TBC1D22B: variants seen among roughly 807,000 people sequenced by gnomAD.
TBC1D22B encodes chromosome 6 open reading frame 197.
In TBC1D22B, 32 loss-of-function variants were observed where a neutral mutation model predicts 69.1. That is an observed-to-expected ratio of 0.46 (90% CI 0.35 to 0.62). The LOEUF is 0.62. Ranked by LOEUF, TBC1D22B falls within the 20% of genes least tolerant of loss-of-function variation. TBC1D22B has a pLI of 0.00. For missense variants in TBC1D22B, 462 were observed against 630.9 expected, an observed-to-expected ratio of 0.73 and a Z score of 2.87; for synonymous variants, 206 against 229.8, an observed-to-expected ratio of 0.90 and a Z score of 0.94.
At chr6:37,329,075 C>T (rs556319075) in intron 12 of TBC1D22B, among the ~76,000 whole-genome samples, 1 of 152,188 alleles carries the variant, frequency 6.6e-6, no homozygotes, top group African/African-American at 2.4e-5. Flanking sequence ...CACAATAATA[C>T]ACAAATATTT....
chr6:37,269,785 A>G, intron 2 of TBC1D22B, 135 bp downstream of exon 2: 2 of 765,012 alleles, frequency 2.6e-6, no homozygotes, highest in South Asian at 3.1e-5. Context: ...GGAGATGAGC[A>G]ATGTTCTTAC....
intron 10 of TBC1D22B, among the ~76,000 whole-genome samples, chr6:37,314,541 C>T (rs1768019308): frequency 6.6e-6 from 1 of 152,150 alleles, no homozygotes; most frequent in South Asian, 2.1e-4. Context: ...CAGCTTTGGC[C>T]TAGAGTCATA....
At position 37,331,255 on chromosome 6, in the gene TBC1D22B, C is replaced by T; in HGVS notation, c.*83C>T. The T allele has an allele frequency of 1.4e-6, 2 of 1,463,150 alleles. No homozygotes were observed. The highest frequency in any genetic ancestry group is 1.9e-6 in the Non-Finnish European group (2 of 1,055,778). The allele number at this position is 1,463,150 out of a possible 1,614,324, so 90.6% of individuals were successfully genotyped here. A position where few individuals can be genotyped will look rare whatever the true frequency, so the allele number is the denominator to read the frequency against. ...GTGGCCACTGTGCGAGCCGTGGACC[C>T]CGGCCAGGAACCACTCCTGTTGTAC... On this transcript the variant is annotated 3_prime_UTR_variant, in exon 13 of 13. Transcript: ENST00000373491.
chr6:37,281,915 T>A (rs1202787839), intron 3 of TBC1D22B, among the ~76,000 whole-genome samples: 1 of 152,178 alleles, frequency 6.6e-6, no homozygotes, highest in Non-Finnish European at 1.5e-5. Context: ...ACCAAAAAAG[T>A]TCTCAAAAGT....
At chr6:37,323,712 C>T (rs981496617) in intron 12 of TBC1D22B, among the ~76,000 whole-genome samples, 1 of 152,200 alleles carries the variant, frequency 6.6e-6, no homozygotes, top group Admixed American at 6.5e-5. Flanking sequence ...TCTGCAAGAA[C>T]ACAGGGGTGC....
intron 8 of TBC1D22B, among the ~76,000 whole-genome samples, chr6:37,297,588 A>G (rs760948086): frequency 2.0e-4 from 31 of 152,290 alleles, no homozygotes; most frequent in Non-Finnish European, 4.0e-4. Context: ...CTCAACTTCA[A>G]TCCTTGTCCT....
intron 2 of TBC1D22B, among the ~76,000 whole-genome samples, chr6:37,271,983 A>C (rs1410556360): frequency 6.6e-6 from 1 of 151,792 alleles, no homozygotes; most frequent in Admixed American, 6.6e-5. Flanking sequence ...GTGAGTAAAT[A>C]TTTATTGAAT....
chr6:37,332,904 A>G lies in TBC1D22B; in HGVS notation c.*1732A>G, dbSNP rs1168685378. ...TGGTGGTTTTATTTTTTTAGTTTTT[A>G]TGTTTGTATGGGAAATTGTGGATAA... On this transcript the variant is annotated 3_prime_UTR_variant, in exon 13 of 13. Coordinates refer to ENST00000373491, the MANE Select transcript of TBC1D22B (RefSeq NM_017772.4). 1 of 152,310 alleles carries G rather than the reference A, an allele frequency of 6.6e-6. No individual in the cohort carries two copies. Among genetic ancestry groups the G allele is most frequent in the African/African-American group, 2.4e-5 (1 of 41,410 alleles). The allele number at this position is 152,310 out of a possible 1,614,324, so 9.4% of individuals were successfully genotyped here.
chr6:37,320,721 G>T (rs746156836), intron 12 of TBC1D22B, among the ~76,000 whole-genome samples: 1 of 152,190 alleles, frequency 6.6e-6, no homozygotes, highest in Non-Finnish European at 1.5e-5. Context: ...GTTGTCTAGG[G>T]CCGCTGCCTG....
Position 37,332,485 on chromosome 6 carries a change from G to T in TBC1D22B, c.*1313G>T, listed in dbSNP as rs543014603. 2.0e-5 allele frequency: 3 copies of T among 152,840 alleles called. No homozygotes were observed. The South Asian group carries it at 6.2e-4, about 32-fold the overall frequency. 9.5% of individuals were successfully genotyped at this position (152,840 alleles called of 1,614,324 possible). On this transcript the variant is annotated 3_prime_UTR_variant, in exon 13 of 13. Coordinates refer to ENST00000373491, the MANE Select transcript of TBC1D22B (RefSeq NM_017772.4). ...TCAGTGCCAAGGAAAGGGGCTTCTT[G>T]TGTGTCCCTCGGGTTTGGGGCTCTT...
chr6:37,323,147 G>A (rs147671912), intron 12 of TBC1D22B, among the ~76,000 whole-genome samples: 75 of 152,248 alleles, frequency 4.9e-4, no homozygotes, highest in African/African-American at 1.7e-3. Flanking sequence ...GTCAGCAGGC[G>A]CCAGCAAGGC....
At position 37,276,360 on chromosome 6, in the gene TBC1D22B, G is replaced by A. The variant is rs112485575; in HGVS notation, c.114-2944G>A. Reference sequence around the variant, plus strand: ...GAAACCAACCCCTTCCTCCACGAAAGCCTCTTTCCTCAGGACAGAGCTGAC... The same window carrying A: ...GAAACCAACCCCTTCCTCCACGAAAACCTCTTTCCTCAGGACAGAGCTGAC... On this transcript the variant is annotated intron_variant, in intron 2 of 12. Coordinates refer to ENST00000373491, the MANE Select transcript of TBC1D22B (RefSeq NM_017772.4). Among the ~76,000 whole-genome samples, 981 of 152,200 alleles carry A rather than the reference G, an allele frequency of 6.4e-3. 6 individuals carry two copies. The highest frequency in any genetic ancestry group is 0.022 in the African/African-American group (908 of 41,522).
intron 11 of TBC1D22B, 84 bp from the exon 12 acceptor site, chr6:37,317,027 C>T: frequency 1.3e-6 from 2 of 1,485,372 alleles, no homozygotes; most frequent in South Asian, 2.4e-5. Flanking sequence ...AGTTTCCCAC[C>T]TCCCAGAAGG....
intron 8 of TBC1D22B, among the ~76,000 whole-genome samples, chr6:37,310,785 A>T (rs1384095846): frequency 6.6e-6 from 1 of 152,248 alleles, no homozygotes; most frequent in Non-Finnish European, 1.5e-5. Flanking sequence ...TGGTGATAAA[A>T]GGCAGATGTA....
chr6:37,268,556 G>A (rs905220326), intron 1 of TBC1D22B, among the ~76,000 whole-genome samples: 1 of 152,130 alleles, frequency 6.6e-6, no homozygotes, highest in African/African-American at 2.4e-5. Flanking sequence ...ATACATGACC[G>A]AAAAGCACAT....
At chr6:37,260,199 A>G (rs1196646951) in intron 1 of TBC1D22B, among the ~76,000 whole-genome samples, 1 of 152,228 alleles carries the variant, frequency 6.6e-6, no homozygotes, top group Non-Finnish European at 1.5e-5. Context: ...TCTCAAGAAT[A>G]GAACTTTTGC....
At chr6:37,261,378 A>G (rs976922820) in intron 1 of TBC1D22B, among the ~76,000 whole-genome samples, 32 of 150,056 alleles carry the variant, frequency 2.1e-4, no homozygotes, top group Admixed American at 1.9e-3. Flanking sequence ...GTTGCAGTGA[A>G]CTGAGATTGC....
intron 9 of TBC1D22B, 23 bp downstream of exon 9, chr6:37,313,047 G>A: frequency 6.3e-7 from 1 of 1,595,956 alleles, no homozygotes; most frequent in Non-Finnish European, 8.6e-7. Context: ...TGCCCTTGTG[G>A]GAACAAACGT....
At chr6:37,269,416 A>G (rs916017857) in intron 1 of TBC1D22B, among the ~76,000 whole-genome samples, 178 bp from the exon 2 acceptor site, 11 of 152,214 alleles carry the variant, frequency 7.2e-5, no homozygotes, top group Admixed American at 5.9e-4. Context: ...AATGAACATT[A>G]TCAAATATAT....
Sources: allele counts gnomAD v4.1 joint callset (sites outside exome capture counted in the v4.1 genomes callset), GRCh38; gene constraint gnomAD v4.1.1; transcripts MANE v1.5; gene names NCBI Gene and HGNC (gene_info 2026-07-23, HGNC 2026-07-21).